GNG2: variants seen among roughly 807,000 people sequenced by gnomAD.
GNG2 encodes the protein guanine nucleotide-binding protein G(I)/G(S)/G(O) subunit gamma-2.
In GNG2, 5 loss-of-function variants were observed where a neutral mutation model predicts 5.5. That is an observed-to-expected ratio of 0.91 (90% CI 0.48 to 1.92). GNG2 has a LOEUF of 1.92. Ranked by LOEUF, GNG2 falls within the 30% of genes most tolerant of loss-of-function variation. The probability of loss-of-function intolerance (pLI) is 0.01; values close to 1 mark genes in which losing one functional copy is unlikely to be tolerated. For synonymous variants in GNG2, 28 were observed against 32.0 expected (o/e 0.88, Z 0.42); for missense variants, 55 against 88.4 (o/e 0.62, Z 1.52).
intron 2 of GNG2, among the ~76,000 whole-genome samples, chr14:51,843,763 A>G (rs1881549499): frequency 6.6e-6 from 1 of 152,120 alleles, no homozygotes; most frequent in South Asian, 2.1e-4. Context: ...TTGAATTGCC[A>G]TGGAAGGTAT....
intron 2 of GNG2, among the ~76,000 whole-genome samples, chr14:51,949,120 CAA>C (rs1179223330): frequency 1.9e-4 from 15 of 76,996 alleles, no homozygotes; most frequent in Admixed American, 3.0e-4. Flanking sequence ...GACTCCGTCT[CAA>C]AAAAAAAAAA....
At chr14:51,893,920 G>A (rs1304150315) in intron 2 of GNG2, among the ~76,000 whole-genome samples, 1 of 151,874 alleles carries the variant, frequency 6.6e-6, no homozygotes, top group Non-Finnish European at 1.5e-5. Flanking sequence ...ATCAATTTCT[G>A]TACTTTTTAT....
intron 2 of GNG2, among the ~76,000 whole-genome samples, chr14:51,943,098 G>T (rs8019194): frequency 2.6e-5 from 4 of 151,946 alleles, no homozygotes; most frequent in Admixed American, 2.0e-4. Flanking sequence ...CATGCCTCTG[G>T]GGTGGTCCTC....
intron 2 of GNG2, among the ~76,000 whole-genome samples, chr14:51,903,611 C>T (rs1019978510): frequency 2.6e-5 from 4 of 152,198 alleles, no homozygotes; most frequent in African/African-American, 9.6e-5. Context: ...CACACAGTTC[C>T]AGACCTCTAC....
intron 2 of GNG2, among the ~76,000 whole-genome samples, chr14:51,901,247 G>T (rs914762720): frequency 6.6e-6 from 1 of 151,668 alleles, no homozygotes; most frequent in African/African-American, 2.4e-5. Flanking sequence ...GGAGTGCAGT[G>T]TGATCATGGT....
chr14:51,886,011 G>T (rs572071976), intron 2 of GNG2, among the ~76,000 whole-genome samples: 1 of 152,254 alleles, frequency 6.6e-6, no homozygotes, highest in South Asian at 2.1e-4. Flanking sequence ...AAAACAGATG[G>T]TACCTCTCTG....
intron 2 of GNG2, among the ~76,000 whole-genome samples, chr14:51,932,638 A>C (rs1428172137): frequency 6.6e-6 from 1 of 152,160 alleles, no homozygotes; most frequent in East Asian, 1.9e-4. Flanking sequence ...ATAAATTAAT[A>C]AAATAAAAAT....
chr14:51,827,642 TCC>T (rs1881063577), intron 1 of GNG2: 1 of 693,740 alleles, frequency 1.4e-6, no homozygotes, highest in African/African-American at 1.8e-5. Context: ...TGGATGTTCA[TCC>T]ACGTATATGT....
Position 51,868,069 on chromosome 14 carries a change from C to G in GNG2, c.-71+7279C>G, listed in dbSNP as rs191137840. Among the ~76,000 whole-genome samples, 26 of 152,216 alleles carry G rather than the reference C, an allele frequency of 1.7e-4. No individual in the cohort carries two copies. The East Asian group carries it at 4.8e-3, about 28-fold the overall frequency. ...AGAGTGGGCTAGACATAGTACTTGT[C>G]CTCTAAGAGCTCACAAACTCATGGG... On this transcript the variant is annotated intron_variant, in intron 1 of 3. Transcript: ENST00000556766.
intron 2 of GNG2, among the ~76,000 whole-genome samples, chr14:51,937,890 G>A (rs1234035867): frequency 2.6e-5 from 4 of 152,190 alleles, no homozygotes; most frequent in African/African-American, 9.7e-5. Flanking sequence ...GCCTGAAGGG[G>A]AGAAGGGAGC....
At chr14:51,954,865 G>A (rs1017349242) in intron 3 of GNG2, among the ~76,000 whole-genome samples, 8 of 152,106 alleles carry the variant, frequency 5.3e-5, no homozygotes, top group Admixed American at 5.2e-4. Context: ...TCCATAGCAC[G>A]TAGTCCTAGA....
intron 2 of GNG2, among the ~76,000 whole-genome samples, chr14:51,947,065 AC>A (rs1187018549): frequency 2.0e-5 from 3 of 152,204 alleles, no homozygotes; most frequent in East Asian, 3.8e-4. Flanking sequence ...GCCTAGGTTT[AC>A]TTTTTCTCTT....
At chr14:51,847,881 C>CTTTTTTTTT (rs540204195) in intron 2 of GNG2, among the ~76,000 whole-genome samples, 3 of 48,136 alleles carry the variant, frequency 6.2e-5, no homozygotes, top group African/African-American at 1.6e-4. Context: ...GGTCCTTTTT[C>CTTTTTTTTT]TTTTTTTTTT....
intron 2 of GNG2, chr14:51,939,923 C>T (rs1162202857): frequency 3.9e-5 from 6 of 152,266 alleles, no homozygotes; most frequent in Non-Finnish European, 8.8e-5. Flanking sequence ...CCGAAACACC[C>T]TTCTGACGAA....
upstream of GNG2, among the ~76,000 whole-genome samples, chr14:51,858,611 T>A (rs943043478): frequency 6.6e-6 from 1 of 152,222 alleles, no homozygotes; most frequent in African/African-American, 2.4e-5. Context: ...CAGAACCTAC[T>A]TGTCTAAAAT....
At chr14:51,932,246 C>CA (rs781725794) in intron 2 of GNG2, among the ~76,000 whole-genome samples, 1,389 of 23,104 alleles carry the variant, frequency 0.06, 182 homozygotes, top group Non-Finnish European at 0.085. Flanking sequence ...GACTCTGTCT[C>CA]AAAAAAAAAA....
At chr14:51,862,609 C>G (rs538610257) in intron 1 of GNG2, among the ~76,000 whole-genome samples, 136 of 152,350 alleles carry the variant, frequency 8.9e-4, no homozygotes, top group African/African-American at 3.1e-3. Context: ...TTTGGGGAGG[C>G]ACAGACAATC....
chr14:51,912,421 C>T (rs562741993), intron 2 of GNG2, among the ~76,000 whole-genome samples: 1 of 152,116 alleles, frequency 6.6e-6, no homozygotes, highest in Middle Eastern at 3.4e-3. Context: ...AATGTTACAC[C>T]CTCACTGATT....
At chr14:51,937,990 A>C (rs1340358301) in intron 2 of GNG2, among the ~76,000 whole-genome samples, 1 of 152,220 alleles carries the variant, frequency 6.6e-6, no homozygotes, top group Non-Finnish European at 1.5e-5. Context: ...TGTCTTCCAG[A>C]ATTAGTGAGG....
Sources: allele counts gnomAD v4.1 joint callset (sites outside exome capture counted in the v4.1 genomes callset), GRCh38; gene constraint gnomAD v4.1.1; transcripts MANE v1.5; gene names NCBI Gene and HGNC (gene_info 2026-07-23, HGNC 2026-07-21).